TRIP11: variants seen among roughly 807,000 people sequenced by gnomAD.
The protein encoded by TRIP11 is thyroid receptor-interacting protein 11.
A neutral mutation model predicts 223.1 loss-of-function variants in TRIP11; 148 were observed. The ratio of observed to expected loss-of-function variants is 0.66; its 90% CI spans 0.58 to 0.76. TRIP11 has a LOEUF of 0.76. Ranked by LOEUF, TRIP11 falls within the 30% of genes least tolerant of loss-of-function variation. TRIP11 has a pLI of 0.00. For synonymous variants in TRIP11, 762 were observed against 772.6 expected, an observed-to-expected ratio of 0.99 and a Z score of 0.23; for missense variants, 2,043 against 2,222.0, an observed-to-expected ratio of 0.92 and a Z score of 1.62.
chr14:92,039,340 G>T (rs1438494230), intron 1 of TRIP11, among the ~76,000 whole-genome samples: 4 of 152,146 alleles, frequency 2.6e-5, no homozygotes, highest in African/African-American at 9.7e-5. Flanking sequence ...TTAAAGAGAG[G>T]AGAACCAGGA....
chr14:91,969,302 C>T lies in TRIP11; in HGVS notation c.*371G>A. 1 of 284,712 alleles carries T rather than the reference C, an allele frequency of 3.5e-6. No individual in the cohort carries two copies. The highest frequency in any genetic ancestry group is 6.7e-6 in the Non-Finnish European group (1 of 150,352). The allele number at this position is 284,712 out of a possible 1,614,324, so 17.6% of individuals were successfully genotyped here. A position where few individuals can be genotyped will look rare whatever the true frequency, so the allele number is the denominator to read the frequency against. On this transcript the variant is annotated 3_prime_UTR_variant, in exon 21 of 21. Coordinates refer to ENST00000267622, the MANE Select transcript of TRIP11 (RefSeq NM_004239.4). Reference sequence around the variant, plus strand: ...TTATTCTTCGTTTAAAAAAAAAAAACACTCTCTTGATAAACCACAATCTCT... The same window carrying T: ...TTATTCTTCGTTTAAAAAAAAAAAATACTCTCTTGATAAACCACAATCTCT...
At chr14:92,024,898 A>G (rs1011854259) in intron 3 of TRIP11, among the ~76,000 whole-genome samples, 2 of 152,196 alleles carry the variant, frequency 1.3e-5, no homozygotes, top group African/African-American at 4.8e-5. Context: ...TCAAACTAAA[A>G]AACCCAAAAA....
intron 7 of TRIP11, among the ~76,000 whole-genome samples, chr14:92,012,204 C>A (rs371885646): frequency 6.6e-5 from 10 of 152,256 alleles, no homozygotes; most frequent in Admixed American, 5.2e-4. Context: ...TAAACCACCA[C>A]AATACCATAA....
At position 92,021,839 on chromosome 14, in the gene TRIP11, T is replaced by C; in HGVS notation, c.313-8A>G. On this transcript the variant is annotated splice_polypyrimidine_tract_variant and splice_region_variant and intron_variant, in intron 3 of 20. Coordinates refer to ENST00000267622, the MANE Select transcript of TRIP11 (RefSeq NM_004239.4). ...AAGATGGCTGATTTCTACCTATATA[T>C]TTATAATCCAAGTTTTAGAGAAGGT... 1 of 1,612,818 alleles carries C rather than the reference T, an allele frequency of 6.2e-7. No individual in the cohort carries two copies. The highest frequency in any genetic ancestry group is 8.5e-7 in the Non-Finnish European group (1 of 1,179,946).
chr14:91,970,868 C>T (rs2056393486), intron 20 of TRIP11, among the ~76,000 whole-genome samples: 1 of 152,146 alleles, frequency 6.6e-6, no homozygotes. Flanking sequence ...TTTACTTACC[C>T]ATCTGAATAA....
rs1334738107 is a variant in TRIP11 at position 91,966,311 on chromosome 14, T to C, written c.*3362A>G. ...GAACATTAAAGTAGCATTTTTTCCA[T>C]AGGAATATATAAAATAAATATCATC... On this transcript the variant is annotated 3_prime_UTR_variant, in exon 21 of 21. Coordinates refer to ENST00000267622, the MANE Select transcript of TRIP11 (RefSeq NM_004239.4). 2 of 179,314 alleles carry C rather than the reference T, an allele frequency of 1.1e-5. No homozygotes were observed. The highest frequency in any genetic ancestry group is 2.4e-5 in the Non-Finnish European group (2 of 83,600). The allele number at this position is 179,314 out of a possible 1,614,324, so 11.1% of individuals were successfully genotyped here.
intron 4 of TRIP11, among the ~76,000 whole-genome samples, chr14:92,019,247 T>C (rs1170037388): frequency 6.6e-6 from 1 of 152,168 alleles, no homozygotes; most frequent in Non-Finnish European, 1.5e-5. Context: ...TTCTCTTCCC[T>C]ATGAAATCTT....
rs2057340662 is a variant in TRIP11, at chr14:92,037,864, GACTC to G, written c.139+1679_139+1682del. 6.6e-6 allele frequency among the ~76,000 whole-genome samples: 1 copy of G among 152,212 alleles called. No individual in the cohort carries two copies. Among genetic ancestry groups the G allele is most frequent in the African/African-American group, 2.4e-5 (1 of 41,460 alleles). On this transcript the variant is annotated intron_variant, in intron 1 of 20. Coordinates refer to ENST00000267622, the MANE Select transcript of TRIP11 (RefSeq NM_004239.4). This position sits in a 1 kb window ranked among gnomAD's most constrained non-coding sequence, Gnocchi z 4.2. ...GCATCCAGCCTACGCAACAGAGTGAGACTCAGTCCAAAACTAAGAGGTTTGGATT... is the reference window on the plus strand; with the variant it reads ...GCATCCAGCCTACGCAACAGAGTGAGAGTCCAAAACTAAGAGGTTTGGATT...
chr14:91,975,702 T>C (rs1595365746), intron 17 of TRIP11, among the ~76,000 whole-genome samples: 1 of 152,012 alleles, frequency 6.6e-6, no homozygotes, highest in African/African-American at 2.4e-5. Context: ...TAATAATATA[T>C]ACATTTAAAA....
In TRIP11 at chr14:92,032,280, T is replaced by C. The variant is rs2057275505; in HGVS notation, c.201+912A>G. Among the ~76,000 whole-genome samples, 3 of 152,226 alleles carry C rather than the reference T, an allele frequency of 2.0e-5. No individual in the cohort carries two copies. The East Asian group carries it at 5.8e-4, about 30-fold the overall frequency. ...CTCCTGCCTCAGCCTCCTGAGTAGCTGGGATTACAGGTGTGCACCACCACA... is the reference window on the plus strand; with the variant it reads ...CTCCTGCCTCAGCCTCCTGAGTAGCCGGGATTACAGGTGTGCACCACCACA... On this transcript the variant is annotated intron_variant, in intron 2 of 20. Transcript: ENST00000267622.
In TRIP11 at chr14:91,992,908, CAAAAAAAAAAAA is replaced by C. The variant is rs550702989; in HGVS notation, c.5160+889_5160+900del. 2.8e-3 allele frequency among the ~76,000 whole-genome samples: 82 copies of C among 29,258 alleles called. 1 individual carries two copies. The highest frequency in any genetic ancestry group is 6.8e-3 in the Admixed American group (9 of 1,316). The allele number at this position is 29,258 out of a possible 152,430, so 19.2% of individuals were successfully genotyped here. A position where few individuals can be genotyped will look rare whatever the true frequency, so the allele number is the denominator to read the frequency against. On this transcript the variant is annotated intron_variant, in intron 15 of 20. Coordinates refer to ENST00000267622, the MANE Select transcript of TRIP11 (RefSeq NM_004239.4). ...TGGGCAACAGAGCGAGACTCCGTCT[CAAAAAAAAAAAA>C]AAAAAAAAAAAAAAAAAAAAGACAA...
At chr14:92,012,301 G>A (rs1595394368) in intron 7 of TRIP11, among the ~76,000 whole-genome samples, 1 of 152,130 alleles carries the variant, frequency 6.6e-6, no homozygotes, top group Non-Finnish European at 1.5e-5. Context: ...ATAAAAAGAA[G>A]AGGGTACACA....
rs780517706 is a variant in TRIP11, at chr14:92,017,755, A to G, written c.589-5T>C. 3 of 1,611,204 alleles carry G rather than the reference A, an allele frequency of 1.9e-6. No individual in the cohort carries two copies. In the South Asian group the frequency reaches 3.3e-5, roughly 18 times the overall value. ...TGTTCCTTGTGCTTTGGAAGTCTAGATCAGAAAAAGAGAATTAGTAAATAA... is the reference window on the plus strand; with the variant it reads ...TGTTCCTTGTGCTTTGGAAGTCTAGGTCAGAAAAAGAGAATTAGTAAATAA... On this transcript the variant is annotated splice_polypyrimidine_tract_variant and splice_region_variant and intron_variant, in intron 4 of 20. Transcript: ENST00000267622.
In TRIP11 at chr14:92,014,453, T is replaced by G. The variant is rs766465446; in HGVS notation, c.948A>C (p.Lys316Asn). 2.8e-5 allele frequency: 45 copies of G among 1,599,406 alleles called. No homozygotes were observed. The East Asian group carries it at 7.8e-4, about 28-fold the overall frequency. ...CAGAAGATAATTTTTTATTTATATC[T>G]TTTATTTTATCCTCAAGTTGTTCCA... ...KKMEQLEDKI[K>N]DINKKLSSAE... is the part of the protein sequence containing the mutation. Residue 316 changes from lysine to asparagine, a missense_variant, in exon 7 of 21, where the codon AAA becomes AAC. Transcript: ENST00000267622.
At chr14:91,980,349 T>G (rs1364907398) in intron 16 of TRIP11, among the ~76,000 whole-genome samples, 1 of 152,168 alleles carries the variant, frequency 6.6e-6, no homozygotes, top group East Asian at 1.9e-4. Flanking sequence ...TAAGCTCCTG[T>G]AGGCAAGATC....
chr14:92,034,641 C>A (rs1354018281), intron 1 of TRIP11, among the ~76,000 whole-genome samples: 3 of 152,124 alleles, frequency 2.0e-5, no homozygotes, highest in African/African-American at 7.2e-5. Flanking sequence ...TCTACATTTT[C>A]ATCTTTATTT....
chr14:92,007,523 A>G lies in TRIP11; in HGVS notation c.1527+117T>C, dbSNP rs531383871. 5.4e-6 allele frequency: 6 copies of G among 1,116,274 alleles called. No homozygotes were observed. The Admixed American group carries it at 9.6e-5, about 18-fold the overall frequency. 69.1% of individuals were successfully genotyped at this position (1,116,274 alleles called of 1,614,324 possible). A position where few individuals can be genotyped will look rare whatever the true frequency, so the allele number is the denominator to read the frequency against. ...AATGATATTTACTATCTAGCACTTT[A>G]CCAAAAAGGTTTGTCAATCTCTATG... On this transcript the variant is annotated intron_variant, in intron 10 of 20. Transcript: ENST00000267622.
chr14:92,006,817 C>G (rs971723652), intron 10 of TRIP11, among the ~76,000 whole-genome samples: 3 of 150,112 alleles, frequency 2.0e-5, no homozygotes, highest in Admixed American at 2.0e-4. Context: ...TACAGGCATG[C>G]GCCACCACAC....
chr14:91,980,370 T>A (rs1301904029), intron 16 of TRIP11, among the ~76,000 whole-genome samples: 1 of 152,200 alleles, frequency 6.6e-6, no homozygotes, highest in African/African-American at 2.4e-5. Context: ...CAAGTCAGAT[T>A]TACTGAACAG....
Sources: gnomAD v4.1 joint callset for allele counts (sites outside exome capture counted in the v4.1 genomes callset) on GRCh38, gnomAD v4.1.1 for gene constraint, Gnocchi (gnomAD v3.1) non-coding constraint, MANE v1.5 for transcripts, NCBI Gene and HGNC (gene_info 2026-07-23, HGNC 2026-07-21) for gene names.